The following RHOT2 variants were observed in gnomAD, a reference collection of about 807,000 sequenced individuals.
RHOT2 encodes mitochondrial Rho GTPase 2.
RHOT2 carries 90 observed loss-of-function variants against 81.6 expected under a neutral mutation model. That is an observed-to-expected ratio of 1.10 (90% confidence interval 0.93 to 1.31). The LOEUF is 1.31. RHOT2 is among the 40% of genes most tolerant of loss of function. The pLI is 0.00. For missense variants in RHOT2, 1,014 were observed against 841.9 expected, an observed-to-expected ratio of 1.20 and a Z score of -2.53; for synonymous variants, 512 against 370.9, an observed-to-expected ratio of 1.38 and a Z score of -4.37.
In RHOT2 at chr16:672,262, G is replaced by A. The variant is rs1269152612; in HGVS notation, c.1204G>A (p.Glu402Lys). The change falls in exon 15 of 19, where the codon GAG becomes AAG. Residue 402 changes from glutamate to lysine, a missense_variant. Coordinates refer to ENST00000315082, the MANE Select transcript of RHOT2 (RefSeq NM_138769.3). ...CGTGTCTATCCTCACAGTCACTCGT[G>A]AGAAGAGGCTGGACCAGGAGAAGGG... ...DQAHAITVTR[E>K]KRLDQEKGQT... 3 of 1,611,618 alleles carry A rather than the reference G, an allele frequency of 1.9e-6. No homozygotes were observed. The African/African-American group carries it at 4.0e-5, about 22-fold the overall frequency.
rs201940041 is a variant in RHOT2, at chr16:672,411, CCCAGGGGCT to C, written c.1326+36_1326+44del. ...TAAGCACCCTAGACTCCCCCACCAC[CCCAGGGGCT>C]CCAGGGGCAGGGCAGGGCAATCTGG... On this transcript the variant is annotated intron_variant, in intron 15 of 18. Coordinates refer to ENST00000315082, the MANE Select transcript of RHOT2 (RefSeq NM_138769.3). The C allele has an allele frequency of 1.6e-3, 2,639 of 1,607,818 alleles. 28 individuals are homozygous for C. In the African/African-American group the frequency reaches 0.03, roughly 18 times the overall value.
Position 674,077 on chromosome 16 carries a change from C to G in RHOT2, c.*471C>G, listed in dbSNP as rs1414638888. ...TTTGGAGCCGTTTCCGTGGTTGTAG[C>G]AGAGGACCGGAGGTTGGGTTCCTGA... On this transcript the variant is annotated 3_prime_UTR_variant, in exon 19 of 19. Coordinates refer to ENST00000315082, the MANE Select transcript of RHOT2 (RefSeq NM_138769.3). The G allele has an allele frequency of 1.3e-5, 3 of 228,410 alleles. No individual in the cohort carries two copies. The South Asian group carries it at 1.4e-4, about 10-fold the overall frequency. 14.1% of individuals were successfully genotyped at this position (228,410 alleles called of 1,614,324 possible).
intron 11 of RHOT2, 24 bp downstream of exon 11, chr16:671,227 C>G: frequency 6.6e-7 from 1 of 1,525,700 alleles, no homozygotes; most frequent in Non-Finnish European, 8.8e-7. Context: ...GGGCTTGAGG[C>G]CTGCCCTCCC....
chr16:673,193 G>A (rs886688202), intron 18 of RHOT2, 63 bp downstream of exon 18: 108 of 1,526,326 alleles, frequency 7.1e-5, no homozygotes, highest in African/African-American at 6.6e-4. Context: ...AGTGGGCAGC[G>A]GTGGTGTCAG....
In RHOT2 at chr16:668,792, T is replaced by C. The variant is rs781193957; in HGVS notation, c.222+93T>C. ...GGGGATTGGACCGAGGTGCTCCGGG[T>C]GTCCTTGGCCCTGATAATTCTGTGA... On this transcript the variant is annotated intron_variant, in intron 4 of 18. Transcript: ENST00000315082. 8.1e-6 allele frequency: 11 copies of C among 1,354,292 alleles called. No homozygotes were observed. In the African/African-American group the frequency reaches 1.5e-4, roughly 18 times the overall value. 83.9% of individuals were successfully genotyped at this position (1,354,292 alleles called of 1,614,324 possible).
In RHOT2 at chr16:673,051, C is replaced by T. The variant is rs1353591581; in HGVS notation, c.1651C>T (p.Pro551Ser). 7.4e-6 allele frequency: 12 copies of T among 1,611,892 alleles called. No homozygotes were observed. The South Asian group carries it at 1.1e-4, about 15-fold the overall frequency. ...EFCRKHRLPA[P>S]VPFSCAGPAE... ...TTGCCGCAAGCACCGGCTACCCGCT[C>T]CCGTGCCGTTCTCCTGTGCTGGCCC... The change falls in exon 18 of 19, where the codon CCC becomes TCC. Residue 551 changes from proline (P) to serine (S), a missense_variant. By Grantham distance (74) the Pro-to-Ser change is moderately conservative. Coordinates refer to ENST00000315082, the MANE Select transcript of RHOT2 (RefSeq NM_138769.3).
In RHOT2 at chr16:669,607, G is replaced by A; in HGVS notation, c.276+1G>A. On this transcript the variant is annotated splice_donor_variant, in intron 5 of 18. Coordinates refer to ENST00000315082, the MANE Select transcript of RHOT2 (RefSeq NM_138769.3). LOFTEE classifies it high-confidence loss of function. ...CTCTGAGGAGGCCACCATTGAGAAGGTGAGCCCTCAGTGCAGACCCCAACA... is the reference window on the plus strand; with the variant it reads ...CTCTGAGGAGGCCACCATTGAGAAGATGAGCCCTCAGTGCAGACCCCAACA... The A allele has an allele frequency of 6.2e-7, 1 of 1,611,672 alleles. No individual in the cohort carries two copies. Among genetic ancestry groups the A allele is most frequent in the Non-Finnish European group, 8.5e-7 (1 of 1,179,862 alleles).
rs532359382 is a variant in RHOT2, at chr16:672,309, C to G, written c.1251C>G (p.Leu417=). The G allele has an allele frequency of 6.2e-7, 1 of 1,612,438 alleles. No homozygotes were observed. Among genetic ancestry groups the G allele is most frequent in the Non-Finnish European group, 8.5e-7 (1 of 1,179,780 alleles). Residue 417 remains leucine (L), a synonymous_variant, in exon 15 of 19, where the codon CTC becomes CTG. Transcript: ENST00000315082. The part of the protein sequence containing the change: ...QEKGQTQRSV[L]LCKVVGARGV... The stretch of plus-strand genomic sequence containing the variant: ...AGGGACAGACGCAGCGGAGCGTCCT[C>G]CTGTGCAAGGTGGTAGGGGCCCGTG...
rs757476425 is a variant in RHOT2, at chr16:669,553, G to A, written c.223G>A (p.Ala75Thr). 6.2e-7 allele frequency: 1 copy of A among 1,611,750 alleles called. No homozygotes were observed. Among genetic ancestry groups the A allele is most frequent in the East Asian group, 2.2e-5 (1 of 44,880 alleles). The change falls in exon 5 of 19, where the codon GCA becomes ACA. Residue 75 changes from alanine to threonine, a missense_variant and splice_region_variant. By Grantham distance (58) the Ala-to-Thr change is moderately conservative. Transcript: ENST00000315082. ...DEELREEIHKANVVCVVYDVS... is the reference protein window; with the variant it reads ...DEELREEIHKTNVVCVVYDVS... ...CCACACCTCATCACTGTTCCCTCAG[G>A]CAAACGTGGTGTGTGTGGTGTATGA...
In RHOT2 at chr16:672,259, C is replaced by T. The variant is rs143027101; in HGVS notation, c.1201C>T (p.Arg401Cys). 1.1e-3 allele frequency: 1,786 copies of T among 1,611,572 alleles called. 6 individuals are homozygous for T. The highest frequency in any genetic ancestry group is 1.4e-3 in the Non-Finnish European group (1,605 of 1,179,140). Residue 401 changes from arginine (R) to cysteine (C), a missense_variant, in exon 15 of 19, where the codon CGT (arginine) becomes TGT (cysteine). Arg to Cys is a radical substitution (Grantham distance 180). Coordinates refer to ENST00000315082, the MANE Select transcript of RHOT2 (RefSeq NM_138769.3). ...ACCCGTGTCTATCCTCACAGTCACT[C>T]GTGAGAAGAGGCTGGACCAGGAGAA... ...QDQAHAITVTREKRLDQEKGQ... is the reference protein window; with the variant it reads ...QDQAHAITVTCEKRLDQEKGQ...
In RHOT2 at chr16:673,129, C is replaced by T. The variant is rs1175144692; in HGVS notation, c.1729C>T (p.Pro577Ser). The T allele has an allele frequency of 1.2e-6, 2 of 1,610,506 alleles. No homozygotes were observed. The highest frequency in any genetic ancestry group is 8.5e-7 in the Non-Finnish European group (1 of 1,179,792). The stretch of plus-strand genomic sequence containing the variant: ...CCAGCTCGCCACCATGGCCGCCTTC[C>T]CGTGGGTACCCAGTAGCGCAGCCCT... ...FTQLATMAAF[P>S]HLVHAELHPS... Residue 577 changes from proline (P) to serine (S), a missense_variant and splice_region_variant, in exon 18 of 19, where the codon CCA (proline) becomes TCA (serine). Coordinates refer to ENST00000315082, the MANE Select transcript of RHOT2 (RefSeq NM_138769.3).
chr16:668,540 A>T lies in RHOT2; in HGVS notation c.149A>T (p.Lys50Met). 1 of 1,609,926 alleles carries T rather than the reference A, an allele frequency of 6.2e-7. No homozygotes were observed. Among genetic ancestry groups the T allele is most frequent in the Non-Finnish European group, 8.5e-7 (1 of 1,178,906 alleles). ...ITIPADVTPEKVPTHIVDYSE... is the reference protein window; with the variant it reads ...ITIPADVTPEMVPTHIVDYSE... ...ATCCCCGCGGACGTCACCCCGGAGA[A>T]GGTGCCCACCCACATCGTGGACTAC... Residue 50 changes from lysine to methionine, a missense_variant, in exon 3 of 19, where the codon AAG becomes ATG. By Grantham distance (95) the Lys-to-Met change is moderately conservative (BLOSUM62 -1). Transcript: ENST00000315082.
At position 672,707 on chromosome 16, in the gene RHOT2, G is replaced by A. The variant is rs763134054; in HGVS notation, c.1409G>A (p.Cys470Tyr). The A allele has an allele frequency of 6.2e-7, 1 of 1,612,228 alleles. No individual in the cohort carries two copies. The highest frequency in any genetic ancestry group is 1.1e-5 in the South Asian group (1 of 91,090). The change falls in exon 17 of 19, where the codon TGT (cysteine) becomes TAT (tyrosine). Residue 470 changes from cysteine (C) to tyrosine (Y), a missense_variant. Cys to Tyr is a radical substitution (Grantham distance 194). Coordinates refer to ENST00000315082, the MANE Select transcript of RHOT2 (RefSeq NM_138769.3). ...VNGQEKYLILCEVGTDGLLAT... is the reference protein window; with the variant it reads ...VNGQEKYLILYEVGTDGLLAT... Reference sequence around the variant, plus strand: ...TAAGGCCGCTGTCTGTCCCAGCTCTGTGAGGTGGGCACAGATGGTCTGCTG... The same window carrying A: ...TAAGGCCGCTGTCTGTCCCAGCTCTATGAGGTGGGCACAGATGGTCTGCTG...
chr16:669,987 G>C, intron 5 of RHOT2, 136 bp from the exon 6 acceptor site: 1 of 771,294 alleles, frequency 1.3e-6, no homozygotes, highest in South Asian at 1.9e-5. Context: ...CACCAGCTTT[G>C]TTCCTGTGGC....
chr16:671,451 T>C, intron 11 of RHOT2: 1 of 705,708 alleles, frequency 1.4e-6, no homozygotes, highest in East Asian at 2.8e-5. Context: ...CTCGCGTGGC[T>C]TGTTTACCCT....
chr16:671,444 G>A lies in RHOT2; in HGVS notation c.869+241G>A, dbSNP rs1255708054. On this transcript the variant is annotated intron_variant, in intron 11 of 18. Coordinates refer to ENST00000315082, the MANE Select transcript of RHOT2 (RefSeq NM_138769.3). ...GGCTGGCCCTTTGCCAACCCCGCTC[G>A]CGTGGCTTGTTTACCCTGCTGGGGT... 8.5e-6 allele frequency: 6 copies of A among 704,014 alleles called. No homozygotes were observed. In the East Asian group the frequency reaches 1.1e-4, roughly 13 times the overall value. The allele number at this position is 704,014 out of a possible 1,614,324, so 43.6% of individuals were successfully genotyped here.
At position 673,374 on chromosome 16, in the gene RHOT2, G is replaced by C. The variant is rs1286364234; in HGVS notation, c.1731-106G>C. ...TCCACCGGCTGTGCCTCTGGTCTGG[G>C]ATCCCCGCCTGTGGGGCCCTGTGAG... On this transcript the variant is annotated intron_variant, in intron 18 of 18. Transcript: ENST00000315082. 7 of 1,540,938 alleles carry C rather than the reference G, an allele frequency of 4.5e-6. No individual in the cohort carries two copies. The Admixed American group carries it at 7.0e-5, about 15-fold the overall frequency.
intron 11 of RHOT2, 105 bp downstream of exon 11, chr16:671,308 C>T (rs570681327): frequency 2.4e-4 from 343 of 1,451,486 alleles, no homozygotes; most frequent in Non-Finnish European, 2.0e-4. Flanking sequence ...GGCCTGCCCT[C>T]CCTGAGGGTC....
At chr16:669,141 T>C in intron 4 of RHOT2, 1 of 381,780 alleles carries the variant, frequency 2.6e-6, no homozygotes, top group South Asian at 3.2e-5. Context: ...ACTGCGGTCC[T>C]GTCACTCTGT....
Sources: allele counts gnomAD v4.1 joint callset, GRCh38; gene constraint gnomAD v4.1.1; transcripts MANE v1.5; gene names NCBI Gene and HGNC (gene_info 2026-07-23, HGNC 2026-07-21).